RFPL1: variants seen among roughly 807,000 people sequenced by gnomAD.
RFPL1 encodes the protein ret finger protein like 1, also known as ret finger protein-like 1.
Under a neutral mutation model 9.6 loss-of-function variants are expected in RFPL1, and 6 were observed. The observed-to-expected ratio is 0.62, with a 90% CI of 0.34 to 1.23. The LOEUF is 1.23. Among genes scored for constraint, RFPL1 ranks in the 50% most tolerant of loss-of-function variants. RFPL1 has a pLI of 0.03. For synonymous variants in RFPL1, 145 were observed against 149.4 expected, an observed-to-expected ratio of 0.97 and a Z score of 0.22; for missense variants, 352 against 398.4, an observed-to-expected ratio of 0.88 and a Z score of 0.99.
the RFPL1 span, among the ~76,000 whole-genome samples, chr22:29,421,680 A>G: frequency 6.6e-6 from 1 of 151,050 alleles, no homozygotes; most frequent in African/African-American, 2.4e-5. Flanking sequence ...CCTCCTCGGT[A>G]GCTCATGCCC....
the RFPL1 span, among the ~76,000 whole-genome samples, chr22:29,410,473 GA>G: frequency 1.2e-5 from 1 of 82,832 alleles, no homozygotes; most frequent in African/African-American, 5.6e-5. Context: ...TCTATATATA[GA>G]TATATATATT....
chr22:29,398,142 G>A, the RFPL1 span, among the ~76,000 whole-genome samples: 4 of 152,290 alleles, frequency 2.6e-5, no homozygotes, highest in East Asian at 7.7e-4. Flanking sequence ...CACTGGGGCT[G>A]CACTCATGGG....
the RFPL1 span, among the ~76,000 whole-genome samples, chr22:29,424,838 C>T: frequency 2.8e-5 from 3 of 108,660 alleles, no homozygotes; most frequent in Non-Finnish European, 5.5e-5. Flanking sequence ...CTCCCACCCC[C>T]CCCCCCGCAA....
chr22:29,396,471 A>G, the RFPL1 span, among the ~76,000 whole-genome samples: 1 of 152,214 alleles, frequency 6.6e-6, no homozygotes, highest in East Asian at 1.9e-4. Flanking sequence ...ATTTCTGTTT[A>G]TTATAAATTA....
At chr22:29,415,485 A>C in the RFPL1 span, among the ~76,000 whole-genome samples, 18 of 152,238 alleles carry the variant, frequency 1.2e-4, no homozygotes, top group East Asian at 7.7e-4. Flanking sequence ...ACCCAGGAGC[A>C]TGCTCAGGAA....
chr22:29,437,836 A>T (rs2062815946), upstream of RFPL1: 1 of 1,126,542 alleles, frequency 8.9e-7, no homozygotes, highest in Admixed American at 3.3e-5. Flanking sequence ...AATTCAACAA[A>T]GGCTGTCTGA....
At chr22:29,399,266 A>C in the RFPL1 span, among the ~76,000 whole-genome samples, 3 of 152,300 alleles carry the variant, frequency 2.0e-5, no homozygotes, top group East Asian at 5.8e-4. Context: ...CCCTCAAAAA[A>C]AAAAAAAAGT....
the RFPL1 span, among the ~76,000 whole-genome samples, chr22:29,409,570 C>G: frequency 1.3e-5 from 2 of 152,156 alleles, no homozygotes; most frequent in African/African-American, 4.8e-5. Flanking sequence ...CTATGTTCTC[C>G]TAGATTTGGT....
At chr22:29,390,582 T>TTTTTTTTA in the RFPL1 span, among the ~76,000 whole-genome samples, 1 of 146,838 alleles carries the variant, frequency 6.8e-6, no homozygotes, top group African/African-American at 2.5e-5. Context: ...CTTATTCCAT[T>TTTTTTTTA]TTTATTTATT....
the RFPL1 span, among the ~76,000 whole-genome samples, chr22:29,402,333 A>T: frequency 2.0e-5 from 3 of 152,246 alleles, no homozygotes; most frequent in Non-Finnish European, 4.4e-5. Context: ...TCAAATGAGG[A>T]CAGTGGTTCT....
the RFPL1 span, among the ~76,000 whole-genome samples, chr22:29,393,867 G>A: frequency 6.6e-6 from 1 of 152,108 alleles, no homozygotes; most frequent in Non-Finnish European, 1.5e-5. Context: ...GTAGAGATGG[G>A]GTTTCACCAT....
Position 29,438,820 on chromosome 22 carries a change from AC to A in RFPL1, c.30del (p.Asn10LysfsTer38). The stretch of plus-strand genomic sequence containing the variant: ...AAAAGGTTGTCACTTGTCACAACTA[AC>A]AGGCTTTCACCTCACGGAAATTTTC... On this transcript the variant is annotated frameshift_variant, in exon 1 of 2. Coordinates refer to ENST00000354373, the Ensembl canonical transcript of RFPL1. LOFTEE classifies it high-confidence loss of function. The A allele has an allele frequency of 1.2e-6, 2 of 1,613,864 alleles. No individual in the cohort carries two copies. The highest frequency in any genetic ancestry group is 1.7e-6 in the Non-Finnish European group (2 of 1,179,778).
At chr22:29,391,871 A>G in the RFPL1 span, among the ~76,000 whole-genome samples, 1 of 152,166 alleles carries the variant, frequency 6.6e-6, no homozygotes, top group Non-Finnish European at 1.5e-5. Flanking sequence ...TGGGTGCTGG[A>G]TAGTCAGATG....
chr22:29,440,520 G>C (rs1256424897), intron 1 of RFPL1: 1 of 151,898 alleles, frequency 6.6e-6, no homozygotes, highest in Non-Finnish European at 1.5e-5. Context: ...ATTGACCTTT[G>C]TATTTACTGC....
the RFPL1 span, among the ~76,000 whole-genome samples, chr22:29,415,060 T>TCAAAAC: frequency 4.0e-5 from 6 of 151,548 alleles, 1 homozygote; most frequent in South Asian, 1.3e-3. Flanking sequence ...CAAGTGAAAA[T>TCAAAAC]CAAAACCAAA....
At chr22:29,441,953 A>T (rs1418572533) in exon 2 of RFPL1, 1 of 1,613,730 alleles carries the variant, frequency 6.2e-7, no homozygotes, top group Non-Finnish European at 8.5e-7. Context: ...TTTGATGCTG[A>T]AGGTGGTTCC....
the RFPL1 span, among the ~76,000 whole-genome samples, chr22:29,397,949 G>T: frequency 3.9e-5 from 6 of 152,224 alleles, no homozygotes; most frequent in South Asian, 4.1e-4. Flanking sequence ...GCTGGGAAGT[G>T]GGAAGAATCC....
the RFPL1 span, among the ~76,000 whole-genome samples, chr22:29,388,211 A>G: frequency 2.6e-5 from 4 of 152,174 alleles, no homozygotes; most frequent in Non-Finnish European, 5.9e-5. Context: ...TGCTGCGGGT[A>G]TGGGGCGGCC....
At chr22:29,428,414 G>A in the RFPL1 span, among the ~76,000 whole-genome samples, 811 of 152,212 alleles carry the variant, frequency 5.3e-3, 5 homozygotes, top group Admixed American at 0.025. Context: ...TAATTAGGGA[G>A]TTCAACACCC....
Sources: allele counts gnomAD v4.1 joint callset (sites outside exome capture counted in the v4.1 genomes callset), GRCh38; gene constraint gnomAD v4.1.1; transcripts MANE v1.5; gene names NCBI Gene and HGNC (gene_info 2026-07-23, HGNC 2026-07-21).